VPS13B: variants seen among roughly 807,000 people sequenced by gnomAD.
The protein encoded by VPS13B is intermembrane lipid transfer protein VPS13B.
In VPS13B, 285 loss-of-function variants were observed where a neutral mutation model predicts 426.4. The ratio of observed to expected loss-of-function variants is 0.67; its 90% CI spans 0.61 to 0.74. The LOEUF (loss-of-function observed/expected upper bound fraction) is 0.74. VPS13B is among the 30% of genes least tolerant of loss of function. The pLI, the probability that VPS13B is intolerant of heterozygous loss-of-function variation, is 0.00. For missense variants in VPS13B, 4,537 were observed against 4,782.6 expected, an observed-to-expected ratio of 0.95 and a Z score of 1.51; for synonymous variants, 1,676 against 1,676.4, an observed-to-expected ratio of 1.00 and a Z score of 0.01.
chr8:99,488,100 G>A (rs1820403652), intron 25 of VPS13B, among the ~76,000 whole-genome samples: 1 of 152,132 alleles, frequency 6.6e-6, no homozygotes, highest in Non-Finnish European at 1.5e-5. Context: ...GGAGGGGAAA[G>A]AAAGTAAATT....
At chr8:99,415,126 A>T (rs1044765776) in intron 21 of VPS13B, among the ~76,000 whole-genome samples, 3 of 151,040 alleles carry the variant, frequency 2.0e-5, no homozygotes, top group Admixed American at 2.0e-4. Context: ...TTTTTCTCTA[A>T]TCTTGTCTTC....
At chr8:99,364,329 T>A (rs1812722167) in intron 19 of VPS13B, among the ~76,000 whole-genome samples, 3 of 152,228 alleles carry the variant, frequency 2.0e-5, no homozygotes, top group Admixed American at 6.5e-5. Flanking sequence ...TCATGATGAA[T>A]GTTTTTTTAA....
Position 99,314,296 on chromosome 8 carries a change from G to A in VPS13B, c.2824+39042G>A, listed in dbSNP as rs934391972. ...CTGTAGACTGGAGCTGTTCCTATTCGGCCATCTTGGAACCACCCCCGAGAC... is the reference window on the plus strand; with the variant it reads ...CTGTAGACTGGAGCTGTTCCTATTCAGCCATCTTGGAACCACCCCCGAGAC... On this transcript the variant is annotated intron_variant, in intron 19 of 61. Coordinates refer to ENST00000357162, the MANE Select transcript of VPS13B (RefSeq NM_152564.5). Among the ~76,000 whole-genome samples the A allele has an allele frequency of 4.6e-5, 7 of 151,672 alleles. No individual in the cohort carries two copies. In the South Asian group the frequency reaches 6.3e-4, roughly 14 times the overall value.
chr8:99,209,511 C>A, intron 17 of VPS13B: 1 of 175,500 alleles, frequency 5.7e-6, no homozygotes, highest in Non-Finnish European at 1.2e-5. Context: ...TATATAGCTT[C>A]TTTACAGTAG....
chr8:99,507,836 G>A, intron 28 of VPS13B: 2 of 1,614,084 alleles, frequency 1.2e-6, no homozygotes, highest in Non-Finnish European at 8.5e-7. Flanking sequence ...CTGACAAGCT[G>A]AACAGACGCA....
chr8:99,437,550 T>G (rs955241590), intron 22 of VPS13B, among the ~76,000 whole-genome samples: 1 of 151,936 alleles, frequency 6.6e-6, no homozygotes, highest in Admixed American at 6.6e-5. Context: ...AAATCCCGTG[T>G]CTACTAAAAA....
intron 19 of VPS13B, among the ~76,000 whole-genome samples, chr8:99,382,820 C>T (rs944024888): frequency 6.6e-6 from 1 of 151,990 alleles, no homozygotes; most frequent in African/African-American, 2.4e-5. Flanking sequence ...TTTCTCTTTC[C>T]TGATTGCTCT....
chr8:99,520,180 C>T (rs10504992), intron 29 of VPS13B, among the ~76,000 whole-genome samples: 9,619 of 151,912 alleles, frequency 0.063, 410 homozygotes, highest in African/African-American at 0.12. Flanking sequence ...TAGTTTTAGA[C>T]GTCATTAGGA....
At chr8:99,849,530 G>T (rs574131780) in intron 55 of VPS13B, among the ~76,000 whole-genome samples, 2 of 152,300 alleles carry the variant, frequency 1.3e-5, no homozygotes, top group South Asian at 4.1e-4. Flanking sequence ...CCTGGTGAAA[G>T]TATAAATTGG....
chr8:99,843,582 TCC>T (rs1211745883), intron 54 of VPS13B, among the ~76,000 whole-genome samples: 1 of 152,134 alleles, frequency 6.6e-6, no homozygotes, highest in Non-Finnish European at 1.5e-5. Flanking sequence ...TAATAACCCC[TCC>T]ACTGTGGAAG....
intron 19 of VPS13B, among the ~76,000 whole-genome samples, chr8:99,309,729 G>A (rs560020523): frequency 5.3e-5 from 8 of 152,224 alleles, no homozygotes; most frequent in South Asian, 4.2e-4. Flanking sequence ...AAAGTCATCC[G>A]TAGCTTGATG....
At chr8:99,328,170 T>C (rs191238150) in intron 19 of VPS13B, among the ~76,000 whole-genome samples, 7 of 152,020 alleles carry the variant, frequency 4.6e-5, no homozygotes, top group Admixed American at 3.9e-4. Flanking sequence ...ATGCAAGGGA[T>C]CTAGGCTGCA....
Position 99,823,878 on chromosome 8 carries a change from T to G in VPS13B, c.9230T>G (p.Ile3077Ser). Reference sequence around the variant, plus strand: ...TCCATGGTACAGCAAGGTATACAAATTATTCAGATTGAAGACAAGACTACA... The same window carrying G: ...TCCATGGTACAGCAAGGTATACAAAGTATTCAGATTGAAGACAAGACTACA... ...ISSMVQQGIQIIQIEDKTTII... is the reference protein window; with the variant it reads ...ISSMVQQGIQSIQIEDKTTII... The change falls in exon 51 of 62, where the codon ATT becomes AGT. Residue 3077 changes from isoleucine (I) to serine (S), a missense_variant. Physicochemically the swap from Ile to Ser is moderately radical, Grantham distance 142 (BLOSUM62 -2). Transcript: ENST00000357162. 6.2e-7 allele frequency: 1 copy of G among 1,613,692 alleles called. No individual in the cohort carries two copies.
At chr8:99,191,403 A>C (rs1458490226) in intron 16 of VPS13B, among the ~76,000 whole-genome samples, 3 of 48,174 alleles carry the variant, frequency 6.2e-5, no homozygotes, top group Non-Finnish European at 1.1e-4. Context: ...TTTTTTTTTG[A>C]GACGGAGTCT....
chr8:99,639,952 G>C (rs1247413733), intron 33 of VPS13B, among the ~76,000 whole-genome samples: 1 of 144,750 alleles, frequency 6.9e-6, no homozygotes, highest in African/African-American at 2.5e-5. Flanking sequence ...ACTCCAACCT[G>C]GGCAACAGAA....
At chr8:99,734,033 A>G (rs1309560596) in intron 39 of VPS13B, among the ~76,000 whole-genome samples, 1 of 152,074 alleles carries the variant, frequency 6.6e-6, no homozygotes, top group Admixed American at 6.6e-5. Context: ...GGTCTTCCCA[A>G]CCCCCAGCCC....
At chr8:99,558,598 C>T (rs577256893) in intron 31 of VPS13B, among the ~76,000 whole-genome samples, 174 of 152,178 alleles carry the variant, frequency 1.1e-3, no homozygotes, top group African/African-American at 3.7e-3. Context: ...TGTGATGCTC[C>T]CCACCCTGTG....
intron 23 of VPS13B, among the ~76,000 whole-genome samples, chr8:99,447,787 G>A (rs759653114): frequency 6.6e-6 from 1 of 151,898 alleles, no homozygotes; most frequent in Non-Finnish European, 1.5e-5. Flanking sequence ...TTTTTTAGGA[G>A]AGGGATCATT....
intron 3 of VPS13B, among the ~76,000 whole-genome samples, chr8:99,087,986 C>T (rs2132401948): frequency 6.6e-6 from 1 of 152,014 alleles, no homozygotes; most frequent in South Asian, 2.1e-4. Flanking sequence ...GAGTTCGAGA[C>T]CAGCCTGGCC....
Sources: gnomAD v4.1 joint callset for allele counts (sites outside exome capture counted in the v4.1 genomes callset) on GRCh38, gnomAD v4.1.1 for gene constraint, MANE v1.5 for transcripts, NCBI Gene and HGNC (gene_info 2026-07-23, HGNC 2026-07-21) for gene names.